The following GRID2 variants were observed in gnomAD, a reference collection of about 807,000 sequenced individuals.
GRID2 encodes glutamate ionotropic receptor delta type subunit 2.
GRID2 carries 33 observed loss-of-function variants against 114.8 expected under a neutral mutation model. The observed-to-expected ratio is 0.29, with a 90% CI of 0.22 to 0.38. The LOEUF (loss-of-function observed/expected upper bound fraction) is 0.38. Ranked by LOEUF, GRID2 falls within the 10% of genes least tolerant of loss-of-function variation. The pLI is 1.00. For missense variants in GRID2, 1,184 were observed against 1,257.7 expected, an observed-to-expected ratio of 0.94 and a Z score of 0.89; for synonymous variants, 505 against 449.9, an observed-to-expected ratio of 1.12 and a Z score of -1.55.
At chr4:92,336,379 C>T (rs1325977985) in intron 1 of GRID2, among the ~76,000 whole-genome samples, 2 of 152,126 alleles carry the variant, frequency 1.3e-5, no homozygotes, top group Non-Finnish European at 2.9e-5. Context: ...ACATGAGTCC[C>T]ATTGTTTCTG....
At chr4:92,573,901 TG>T (rs917436940) in intron 1 of GRID2, among the ~76,000 whole-genome samples, 1 of 151,916 alleles carries the variant, frequency 6.6e-6, no homozygotes, top group African/African-American at 2.4e-5. Context: ...GTATTTTCAG[TG>T]GGGTGTGAAA....
chr4:92,763,781 G>A (rs1738134635), intron 2 of GRID2, among the ~76,000 whole-genome samples: 1 of 152,196 alleles, frequency 6.6e-6, no homozygotes, highest in South Asian at 2.1e-4. Flanking sequence ...AGTGAAAGAG[G>A]GAGAGAGTTA....
At chr4:93,173,356 G>A (rs1431360066) in intron 4 of GRID2, among the ~76,000 whole-genome samples, 1 of 152,026 alleles carries the variant, frequency 6.6e-6, no homozygotes, top group Non-Finnish European at 1.5e-5. Context: ...TAACAGCTAT[G>A]AGTCTTTCAT....
rs192377352 is a variant in GRID2, at chr4:92,415,924, C to T, written c.88+111180C>T. ...CTTTTCCTCCAGGTAGATACTCAGT[C>T]GTGGGCTTGCTGGATCAAATGATAG... On this transcript the variant is annotated intron_variant, in intron 1 of 15. Transcript: ENST00000282020. Among the ~76,000 whole-genome samples, 4 of 151,436 alleles carry T rather than the reference C, an allele frequency of 2.6e-5. No homozygotes were observed. The South Asian group carries it at 6.3e-4, about 24-fold the overall frequency.
At chr4:92,518,672 A>G (rs1724624444) in intron 1 of GRID2, among the ~76,000 whole-genome samples, 1 of 151,876 alleles carries the variant, frequency 6.6e-6, no homozygotes, top group Non-Finnish European at 1.5e-5. Flanking sequence ...GTACATTTAA[A>G]AGTAGTTAAA....
chr4:93,124,701 G>A (rs1734117436), intron 4 of GRID2, among the ~76,000 whole-genome samples: 4 of 152,066 alleles, frequency 2.6e-5, no homozygotes, highest in Admixed American at 2.6e-4. Flanking sequence ...AAGCTTTGTT[G>A]AAAAATTAGA....
intron 1 of GRID2, among the ~76,000 whole-genome samples, chr4:92,427,835 T>C (rs1187269966): frequency 6.6e-6 from 1 of 152,226 alleles, no homozygotes; most frequent in Non-Finnish European, 1.5e-5. Flanking sequence ...TTGTGTTTTC[T>C]ACTCTAATTG....
intron 11 of GRID2, among the ~76,000 whole-genome samples, chr4:93,476,908 A>AT (rs1186127530): frequency 6.6e-6 from 1 of 152,162 alleles, no homozygotes; most frequent in East Asian, 1.9e-4. Context: ...AAACAAATAC[A>AT]TTTTTGTTGC....
intron 2 of GRID2, among the ~76,000 whole-genome samples, chr4:92,966,809 A>G (rs1753187002): frequency 6.6e-6 from 1 of 151,956 alleles, no homozygotes; most frequent in Admixed American, 6.6e-5. Flanking sequence ...CAGTGTGAAA[A>G]TGAACCAATA....
chr4:93,043,347 C>T (rs1725787006), intron 2 of GRID2, among the ~76,000 whole-genome samples: 1 of 152,006 alleles, frequency 6.6e-6, no homozygotes, highest in African/African-American at 2.4e-5. Flanking sequence ...TAATCCTTGC[C>T]CTCAATAAAC....
rs71579585 is a variant in GRID2 at position 93,098,989 on chromosome 4, CTGTGTGTGTGTGTGTG to C, written c.530-11735_530-11720del. ...GATTGTATTAAAGAAAGATCATTTC[CTGTGTGTGTGTGTGTG>C]TGTGTGTGTGTGTGTGTGTGTGTAT... On this transcript the variant is annotated intron_variant, in intron 3 of 15. Transcript: ENST00000282020. Among the ~76,000 whole-genome samples the C allele has an allele frequency of 9.9e-4, 138 of 138,980 alleles. 1 individual carries two copies. Among genetic ancestry groups the C allele is most frequent in the Non-Finnish European group, 9.1e-4 (58 of 63,970 alleles). The allele number at this position is 138,980 out of a possible 152,430, so 91.2% of individuals were successfully genotyped here.
chr4:93,038,684 G>A (rs1302781466), intron 2 of GRID2, among the ~76,000 whole-genome samples: 4 of 151,988 alleles, frequency 2.6e-5, no homozygotes, highest in African/African-American at 7.2e-5. Context: ...CCAGCTACTC[G>A]GGAGGCTGAG....
chr4:92,891,527 C>T (rs1290362025), intron 2 of GRID2, among the ~76,000 whole-genome samples: 1 of 152,060 alleles, frequency 6.6e-6, no homozygotes, highest in Non-Finnish European at 1.5e-5. Context: ...CCTTCCTTTT[C>T]ACTAGTCATC....
rs534189460 is a variant in GRID2 at position 92,360,355 on chromosome 4, T to C, written c.88+55611T>C. On this transcript the variant is annotated intron_variant, in intron 1 of 15. Transcript: ENST00000282020. ...CCTTGTCCTCTTCATAAAATTGTTT[T>C]GATTCTTCTAGGATTAGCCTGTGTG... 2.6e-5 allele frequency among the ~76,000 whole-genome samples: 4 copies of C among 152,118 alleles called. No individual in the cohort carries two copies. The East Asian group carries it at 7.8e-4, about 30-fold the overall frequency.
At chr4:92,320,028 T>A (rs186724421) in intron 1 of GRID2, among the ~76,000 whole-genome samples, 21 of 152,312 alleles carry the variant, frequency 1.4e-4, no homozygotes, top group African/African-American at 4.6e-4. Context: ...GCAGCCAGTG[T>A]ACTGATCATT....
At chr4:93,172,419 C>T (rs371455489) in intron 4 of GRID2, among the ~76,000 whole-genome samples, 19 of 151,998 alleles carry the variant, frequency 1.3e-4, no homozygotes, top group East Asian at 5.8e-4. Context: ...AGTGAAACTC[C>T]GTGTCTACTA....
chr4:92,938,773 T>C lies in GRID2; in HGVS notation c.245-146222T>C, dbSNP rs779802900. 8.2e-4 allele frequency among the ~76,000 whole-genome samples: 118 copies of C among 143,534 alleles called. 11 individuals are homozygous for C. Among genetic ancestry groups the C allele is most frequent in the Non-Finnish European group, 1.4e-3 (94 of 64,996 alleles). 94.2% of individuals were successfully genotyped at this position (143,534 alleles called of 152,430 possible). On this transcript the variant is annotated intron_variant, in intron 2 of 15. Transcript: ENST00000282020. ...TGTTCCCCTTCCTGTGTCCATGTGTTCTCATTATTCAATTCCCACCTATGA... is the reference window on the plus strand; with the variant it reads ...TGTTCCCCTTCCTGTGTCCATGTGTCCTCATTATTCAATTCCCACCTATGA...
At chr4:93,320,648 T>C (rs1757111183) in intron 8 of GRID2, among the ~76,000 whole-genome samples, 1 of 152,086 alleles carries the variant, frequency 6.6e-6, no homozygotes, top group African/African-American at 2.4e-5. Flanking sequence ...TTTCTTTATT[T>C]CTTCTTTCTC....
At chr4:92,700,488 A>T (rs868701586) in intron 2 of GRID2, among the ~76,000 whole-genome samples, 2 of 152,214 alleles carry the variant, frequency 1.3e-5, no homozygotes, top group Non-Finnish European at 2.9e-5. Flanking sequence ...GGAAATGTGC[A>T]TAGTAGGCAT....
Sources: gnomAD v4.1 joint callset for allele counts (sites outside exome capture counted in the v4.1 genomes callset) on GRCh38, gnomAD v4.1.1 for gene constraint, MANE v1.5 for transcripts, NCBI Gene and HGNC (gene_info 2026-07-23, HGNC 2026-07-21) for gene names.